The following CSMD1 variants were observed in gnomAD, a reference collection of about 807,000 sequenced individuals.
The protein encoded by CSMD1 is CUB and Sushi multiple domains 1, also known as CUB and sushi domain-containing protein 1.
CSMD1 carries 213 observed loss-of-function variants against 417.5 expected under a neutral mutation model. The ratio of observed to expected loss-of-function variants is 0.51; its 90% CI spans 0.46 to 0.57. The LOEUF (loss-of-function observed/expected upper bound fraction) is 0.57. CSMD1 is among the 20% of genes least tolerant of loss of function. CSMD1 has a pLI of 0.00. For synonymous variants in CSMD1, 2,862 were observed against 1,736.8 expected (o/e 1.65, Z -16.11); for missense variants, 6,923 against 4,529.7 (o/e 1.53, Z -15.17).
chr8:4,937,416 A>G (rs1269453357), intron 1 of CSMD1, among the ~76,000 whole-genome samples: 2 of 152,196 alleles, frequency 1.3e-5, no homozygotes, highest in Non-Finnish European at 2.9e-5. Context: ...TGAAGAATTC[A>G]TATAAAAATA....
intron 3 of CSMD1, among the ~76,000 whole-genome samples, chr8:4,316,891 G>C (rs1001437460): frequency 6.6e-6 from 1 of 152,080 alleles, no homozygotes; most frequent in African/African-American, 2.4e-5. Flanking sequence ...ATCTTGGGGT[G>C]GGGGAATCTT....
At chr8:4,001,573 A>G (rs931352383) in intron 4 of CSMD1, among the ~76,000 whole-genome samples, 15 of 152,208 alleles carry the variant, frequency 9.9e-5, no homozygotes, top group Non-Finnish European at 2.2e-4. Flanking sequence ...TCTATTTAAA[A>G]TGCCAGTGGC....
chr8:3,675,844 C>A (rs1393957680), intron 7 of CSMD1, among the ~76,000 whole-genome samples: 1 of 152,160 alleles, frequency 6.6e-6, no homozygotes, highest in Admixed American at 6.5e-5. Flanking sequence ...GGCATTTCCA[C>A]CTTATGCAAA....
chr8:4,421,432 G>A (rs1438194), intron 2 of CSMD1, among the ~76,000 whole-genome samples: 1 of 151,854 alleles, frequency 6.6e-6, no homozygotes, highest in Non-Finnish European at 1.5e-5. Flanking sequence ...CATATTCGAG[G>A]CCATAAAACA....
At chr8:4,373,095 A>G (rs1346620959) in intron 3 of CSMD1, among the ~76,000 whole-genome samples, 1 of 152,306 alleles carries the variant, frequency 6.6e-6, no homozygotes, top group African/African-American at 2.4e-5. Context: ...TCTGTCTCCC[A>G]AAACCCCAAA....
Position 4,393,097 on chromosome 8 carries a change from T to A in CSMD1, c.415+26856A>T, listed in dbSNP as rs111856597. ...TTCAAGCGATTCTCGTGCCTCAATC[T>A]CCCGAGTAGCTGGGATTACAGGCGT... On this transcript the variant is annotated intron_variant, in intron 3 of 69. Coordinates refer to ENST00000635120, the MANE Select transcript of CSMD1 (RefSeq NM_033225.6). 3.8e-3 allele frequency among the ~76,000 whole-genome samples: 584 copies of A among 152,104 alleles called. 1 individual carries two copies. The highest frequency in any genetic ancestry group is 0.013 in the African/African-American group (544 of 41,534).
chr8:3,040,533 G>A (rs965948916), intron 50 of CSMD1, among the ~76,000 whole-genome samples: 1 of 151,494 alleles, frequency 6.6e-6, no homozygotes, highest in Non-Finnish European at 1.5e-5. Flanking sequence ...GGCCGGGCAC[G>A]GTGGCTCATG....
chr8:4,128,397 A>G (rs1647342), intron 3 of CSMD1, among the ~76,000 whole-genome samples: 13,324 of 152,248 alleles, frequency 0.088, 804 homozygotes, highest in Non-Finnish European at 0.13. Flanking sequence ...ATTTGGAACT[A>G]AAACATCTGT....
intron 3 of CSMD1, among the ~76,000 whole-genome samples, chr8:4,116,271 A>G (rs7846381): frequency 0.99 from 150,599 of 152,232 alleles, 74,519 homozygotes; most frequent in East Asian, 1. Context: ...TGGGATTACA[A>G]GTGTGAGCCA....
chr8:3,239,226 G>C (rs1245088668), intron 26 of CSMD1, among the ~76,000 whole-genome samples: 2 of 152,066 alleles, frequency 1.3e-5, no homozygotes, highest in East Asian at 1.9e-4. Flanking sequence ...GGGATATAAA[G>C]GTTTCACTGA....
intron 10 of CSMD1, among the ~76,000 whole-genome samples, chr8:3,572,276 G>A (rs917356290): frequency 2.6e-5 from 4 of 152,180 alleles, no homozygotes; most frequent in African/African-American, 9.6e-5. Context: ...TGCAAACTCT[G>A]AGGGCAGAGC....
chr8:4,204,484 T>A (rs1193389827), intron 3 of CSMD1, among the ~76,000 whole-genome samples: 3 of 152,164 alleles, frequency 2.0e-5, no homozygotes, highest in Non-Finnish European at 2.9e-5. Flanking sequence ...CTTTCTAGAT[T>A]GTAAAATAAA....
chr8:3,720,801 T>A (rs903424609), intron 6 of CSMD1, among the ~76,000 whole-genome samples: 7 of 151,944 alleles, frequency 4.6e-5, no homozygotes, highest in African/African-American at 1.7e-4. Context: ...CTTCAGGAGA[T>A]GTGAACATCT....
intron 23 of CSMD1, among the ~76,000 whole-genome samples, chr8:3,332,845 G>C (rs1806994458): frequency 2.0e-5 from 3 of 152,164 alleles, no homozygotes; most frequent in Admixed American, 6.5e-5. Context: ...CTCCTTCCTT[G>C]AGTGTGGGCA....
rs76656133 is a variant in CSMD1 at position 3,561,619 on chromosome 8, G to T, written c.1344+13326C>A. ...GGCAACAACAGACACTGGTCACTCC[G>T]AAAGTGAGGAGAGAGGCAGGAGAGT... On this transcript the variant is annotated intron_variant, in intron 10 of 69. Transcript: ENST00000635120. Among the ~76,000 whole-genome samples, 608 of 152,254 alleles carry T rather than the reference G, an allele frequency of 4.0e-3. 7 individuals carry two copies. Among genetic ancestry groups the T allele is most frequent in the African/African-American group, 0.014 (568 of 41,552 alleles).
chr8:3,003,383 C>T (rs1160079028), intron 52 of CSMD1, among the ~76,000 whole-genome samples: 1 of 151,988 alleles, frequency 6.6e-6, no homozygotes, highest in Non-Finnish European at 1.5e-5. Context: ...TACACAAAAC[C>T]TAGAAAGCCT....
At chr8:3,323,633 A>T (rs1237932830) in intron 23 of CSMD1, among the ~76,000 whole-genome samples, 3 of 152,240 alleles carry the variant, frequency 2.0e-5, no homozygotes, top group Non-Finnish European at 4.4e-5. Flanking sequence ...TTTCAAAAAC[A>T]ACGTTGTGTT....
intron 1 of CSMD1, among the ~76,000 whole-genome samples, chr8:4,693,059 G>GGA (rs1806878869): frequency 1.3e-5 from 2 of 152,128 alleles, no homozygotes; most frequent in Admixed American, 1.3e-4. Context: ...CTGTGATACT[G>GGA]ACTACACTAC....
At position 3,110,353 on chromosome 8, in the gene CSMD1, A is replaced by G. The variant is rs987152482; in HGVS notation, c.6431-18T>C. 3 of 1,582,616 alleles carry G rather than the reference A, an allele frequency of 1.9e-6. No homozygotes were observed. Among genetic ancestry groups the G allele is most frequent in the Non-Finnish European group, 1.7e-6 (2 of 1,165,008 alleles). Reference sequence around the variant, plus strand: ...ACAAGGGGCTGCAAAGGAAACCAAGAAAAAACAAGCGCCATACAGCTGATT... The same window carrying G: ...ACAAGGGGCTGCAAAGGAAACCAAGGAAAAACAAGCGCCATACAGCTGATT... On this transcript the variant is annotated intron_variant, in intron 42 of 69. Coordinates refer to ENST00000635120, the MANE Select transcript of CSMD1 (RefSeq NM_033225.6).
Sources: gnomAD v4.1 joint callset for allele counts (sites outside exome capture counted in the v4.1 genomes callset) on GRCh38, gnomAD v4.1.1 for gene constraint, MANE v1.5 for transcripts, NCBI Gene and HGNC (gene_info 2026-07-23, HGNC 2026-07-21) for gene names.